TBCD: variants seen among roughly 807,000 people sequenced by gnomAD.
The protein encoded by TBCD is tubulin folding cofactor D.
In TBCD, 105 loss-of-function variants were observed where a neutral mutation model predicts 169.3. The observed-to-expected ratio is 0.62, with a 90% CI of 0.53 to 0.73. The LOEUF is 0.73. Among genes scored for constraint, TBCD ranks in the 30% least tolerant of loss-of-function variants. The pLI, the probability that TBCD is intolerant of heterozygous loss-of-function variation, is 0.00. For missense variants in TBCD, 1,444 were observed against 1,600.1 expected (o/e 0.90, Z 1.66); for synonymous variants, 700 against 643.9 (o/e 1.09, Z -1.32).
At chr17:82,753,652 C>T (rs575582623) in intron 1 of TBCD, among the ~76,000 whole-genome samples, 2 of 148,462 alleles carry the variant, frequency 1.3e-5, no homozygotes, top group Admixed American at 6.7e-5. Context: ...GGGGGTTTCA[C>T]CATGTTGGTC....
intron 7 of TBCD, among the ~76,000 whole-genome samples, chr17:82,786,585 C>T (rs892049431): frequency 6.6e-6 from 1 of 152,228 alleles, no homozygotes. Context: ...GGGGCTGGAG[C>T]CAGCTGTGGC....
At position 82,929,227 on chromosome 17, in the gene TBCD, C is replaced by T; in HGVS notation, c.2808C>T (p.Ile936=). The T allele has an allele frequency of 6.2e-7, 1 of 1,613,930 alleles. No homozygotes were observed. The highest frequency in any genetic ancestry group is 8.5e-7 in the Non-Finnish European group (1 of 1,179,882). The change falls in exon 31 of 39, where the codon ATC becomes ATT. Residue 936 remains isoleucine (I), a synonymous_variant. Coordinates refer to ENST00000355528, the MANE Select transcript of TBCD (RefSeq NM_005993.5). ...TCCTGCACTTTGACAGCCCTCCCAT[C>T]CCCCACGTGCCCCACCGAGGAGAAC... ...LTLLHFDSPP[I]PHVPHRGELE...
At chr17:82,792,875 C>T (rs191508086) in intron 7 of TBCD, among the ~76,000 whole-genome samples, 2 of 152,226 alleles carry the variant, frequency 1.3e-5, no homozygotes, top group East Asian at 1.9e-4. Context: ...TCATCCTCCC[C>T]CCTCAGCCTC....
intron 27 of TBCD, among the ~76,000 whole-genome samples, chr17:82,925,767 C>G (rs974896285): frequency 1.1e-4 from 17 of 152,184 alleles, no homozygotes; most frequent in Admixed American, 9.2e-4. Flanking sequence ...AACAGGATCA[C>G]TTGGAGATAT....
intron 13 of TBCD, among the ~76,000 whole-genome samples, chr17:82,819,508 A>G (rs1180478853): frequency 6.6e-6 from 1 of 152,218 alleles, no homozygotes; most frequent in African/African-American, 2.4e-5. Context: ...TAGCCTGCGC[A>G]ACAAAATGAG....
chr17:82,850,146 T>C (rs149794962), intron 13 of TBCD, among the ~76,000 whole-genome samples: 5,497 of 22,626 alleles, frequency 0.24, 1,850 homozygotes, highest in East Asian at 0.33. Context: ...GGCTGTGCTG[T>C]TGTTGGCTGT....
chr17:82,806,263 T>G lies in TBCD; in HGVS notation c.1087+252T>G, dbSNP rs556460267. 1.2e-4 allele frequency among the ~76,000 whole-genome samples: 18 copies of G among 152,152 alleles called. No homozygotes were observed. The highest frequency in any genetic ancestry group is 1.6e-4 in the Non-Finnish European group (11 of 68,020). On this transcript the variant is annotated intron_variant, in intron 10 of 38. Coordinates refer to ENST00000355528, the MANE Select transcript of TBCD (RefSeq NM_005993.5). This position sits in a 1 kb window ranked among gnomAD's most constrained non-coding sequence, Gnocchi z 5.1. ...GCCTCGCCTCCTTCCTGACCTGGGC[T>G]GCCTGTTCTGGGCAGCTGGGTGTGT...
At chr17:82,921,747 C>G (rs1056809299) in intron 25 of TBCD, among the ~76,000 whole-genome samples, 170 bp downstream of exon 25, 1 of 152,230 alleles carries the variant, frequency 6.6e-6, no homozygotes, top group Admixed American at 6.5e-5. Flanking sequence ...AGCGTCTACA[C>G]GGTTTATAAC....
At chr17:82,813,820 G>A (rs1244236511) in intron 12 of TBCD, among the ~76,000 whole-genome samples, 6 of 152,206 alleles carry the variant, frequency 3.9e-5, no homozygotes, top group African/African-American at 1.4e-4. Context: ...GTCTGTCGGT[G>A]ACAGTGAGCT....
chr17:82,847,857 G>A (rs888064035), intron 13 of TBCD, among the ~76,000 whole-genome samples: 1 of 152,146 alleles, frequency 6.6e-6, no homozygotes. Context: ...TCCTGACCTC[G>A]TGATCCACCC....
intron 13 of TBCD, among the ~76,000 whole-genome samples, chr17:82,866,251 C>T: frequency 6.6e-6 from 1 of 152,172 alleles, no homozygotes; most frequent in East Asian, 1.9e-4. Context: ...CAGCCCAAGT[C>T]CTCCCCTTTA....
At chr17:82,860,401 G>A in intron 13 of TBCD, 1 of 985,540 alleles carries the variant, frequency 1.0e-6, no homozygotes, top group Non-Finnish European at 1.2e-6. Context: ...CTGCTCGGGT[G>A]GCAGTGAGCG....
At chr17:82,812,247 T>C (rs955239512) in intron 12 of TBCD, among the ~76,000 whole-genome samples, 3 of 152,188 alleles carry the variant, frequency 2.0e-5, no homozygotes, top group African/African-American at 7.2e-5. Flanking sequence ...TCCTGCTGAC[T>C]TGCCCGAGGG....
intron 2 of TBCD, among the ~76,000 whole-genome samples, chr17:82,762,765 G>A (rs1274540584): frequency 6.6e-6 from 1 of 151,816 alleles, no homozygotes; most frequent in Non-Finnish European, 1.5e-5. Flanking sequence ...AAAAAAAAGT[G>A]TGTGACTCAT....
intron 33 of TBCD, chr17:82,931,825 G>A (rs1471562887): frequency 6.6e-6 from 1 of 152,310 alleles, no homozygotes; most frequent in East Asian, 1.9e-4. Context: ...GCCGCAGGCT[G>A]GCTCACACAG....
chr17:82,791,027 A>G (rs1032725487), intron 7 of TBCD, among the ~76,000 whole-genome samples: 6 of 151,026 alleles, frequency 4.0e-5, no homozygotes, highest in Middle Eastern at 3.6e-3. Flanking sequence ...TGGGAGCTGC[A>G]TACAATTCTA....
At chr17:82,795,541 C>A in intron 7 of TBCD, 1 of 985,598 alleles carries the variant, frequency 1.0e-6, no homozygotes, top group Non-Finnish European at 1.2e-6. Flanking sequence ...CATCCAGCTG[C>A]TGTTGGAATC....
At chr17:82,910,761 T>C (rs1320507210) in intron 22 of TBCD, among the ~76,000 whole-genome samples, 1 of 152,154 alleles carries the variant, frequency 6.6e-6, no homozygotes, top group African/African-American at 2.4e-5. Context: ...AGACGGGGTT[T>C]CACCATGTTG....
At position 82,833,470 on chromosome 17, in the gene TBCD, G is replaced by A. The variant is rs1460040115; in HGVS notation, c.1318+18536G>A. Among the ~76,000 whole-genome samples the A allele has an allele frequency of 1.3e-5, 2 of 152,208 alleles. No individual in the cohort carries two copies. The highest frequency in any genetic ancestry group is 3.9e-4 in the East Asian group (2 of 5,192). ...AGCTTTATCATTAAGTAGCATTTAT[G>A]TTGTCTCAGATATGAATACAAATGC... On this transcript the variant is annotated intron_variant, in intron 13 of 38. Coordinates refer to ENST00000355528, the MANE Select transcript of TBCD (RefSeq NM_005993.5). The surrounding 1 kb of genome is among the most constrained non-coding windows in gnomAD (Gnocchi z 4.7).
Sources: gnomAD v4.1 joint callset for allele counts (sites outside exome capture counted in the v4.1 genomes callset) on GRCh38, gnomAD v4.1.1 for gene constraint, Gnocchi (gnomAD v3.1) non-coding constraint, MANE v1.5 for transcripts, NCBI Gene and HGNC (gene_info 2026-07-23, HGNC 2026-07-21) for gene names.